The following PCNX3 variants were observed in gnomAD, a reference collection of about 807,000 sequenced individuals.
PCNX3 encodes pecanex-like protein 3.
Under a neutral mutation model 207.2 loss-of-function variants are expected in PCNX3, and 58 were observed. The observed-to-expected ratio is 0.28, with a 90% CI of 0.23 to 0.35. The LOEUF (loss-of-function observed/expected upper bound fraction) is 0.35, where lower values mean the gene tolerates loss of function less well. Among genes scored for constraint, PCNX3 ranks in the 10% least tolerant of loss-of-function variants. PCNX3 has a pLI of 1.00. For synonymous variants in PCNX3, 1,337 were observed against 1,183.5 expected (o/e 1.13, Z -2.66); for missense variants, 2,410 against 2,774.4 (o/e 0.87, Z 2.95).
At chr11:65,617,568 G>A (rs1158725172) in intron 4 of PCNX3, 43 bp from the exon 5 acceptor site, 2 of 1,613,752 alleles carry the variant, frequency 1.2e-6, no homozygotes, top group Non-Finnish European at 8.5e-7. Context: ...CTGGCGTGCT[G>A]TGCCAGGGGG....
chr11:65,630,976 G>A (rs2135469306), intron 27 of PCNX3, among the ~76,000 whole-genome samples: 1 of 152,254 alleles, frequency 6.6e-6, no homozygotes, highest in East Asian at 1.9e-4. Flanking sequence ...AGCTGCTTGA[G>A]CAGTAACATT....
chr11:65,634,321 G>A lies in PCNX3; in HGVS notation c.4666G>A (p.Glu1556Lys), dbSNP rs749282047. Residue 1556 changes from glutamate to lysine, a missense_variant, in exon 28 of 35, where the codon GAG (glutamate) becomes AAG (lysine). Coordinates refer to ENST00000355703, the MANE Select transcript of PCNX3 (RefSeq NM_032223.4). ...GCCCTCCTTTTGTGCTGTGCACCTCGAGTGGATCCAGTACTGCGCCTCCCG... is the reference window on the plus strand; with the variant it reads ...GCCCTCCTTTTGTGCTGTGCACCTCAAGTGGATCCAGTACTGCGCCTCCCG... ...SLPSFCAVHL[E>K]WIQYCASRRS... 9.4e-6 allele frequency: 15 copies of A among 1,603,766 alleles called. No homozygotes were observed. Among genetic ancestry groups the A allele is most frequent in the Admixed American group, 3.4e-5 (2 of 58,698 alleles).
chr11:65,625,091 A>G lies in PCNX3; in HGVS notation c.2919+75A>G. ...TGGGGCGGGGCTGTGAACTGGGCTCAGCAGTGGCTTCTCACACGGGGGCAG... is the reference window on the plus strand; with the variant it reads ...TGGGGCGGGGCTGTGAACTGGGCTCGGCAGTGGCTTCTCACACGGGGGCAG... On this transcript the variant is annotated intron_variant, in intron 16 of 34. Coordinates refer to ENST00000355703, the MANE Select transcript of PCNX3 (RefSeq NM_032223.4). This position sits in a 1 kb window ranked among gnomAD's most constrained non-coding sequence, Gnocchi z 5.6. 2 of 1,557,826 alleles carry G rather than the reference A, an allele frequency of 1.3e-6. No homozygotes were observed. Among genetic ancestry groups the G allele is most frequent in the East Asian group, 2.3e-5 (1 of 43,694 alleles).
intron 8 of PCNX3, 130 bp downstream of exon 8, chr11:65,620,062 C>T (rs970913926): frequency 3.7e-6 from 4 of 1,081,338 alleles, no homozygotes; most frequent in African/African-American, 3.2e-5. Flanking sequence ...ATCATCCTTG[C>T]AGCCTCTTTG....
Position 65,625,861 on chromosome 11 carries a change from G to C in PCNX3, c.3229-43G>C. ...CCAGGTGGCCCTCTGTGGTCCCTTG[G>C]CCTGCTCCCATCAGCTGAGTCTCTG... is the stretch of plus-strand genomic sequence containing the variant. On this transcript the variant is annotated intron_variant, in intron 19 of 34. Transcript: ENST00000355703. This position sits in a 1 kb window ranked among gnomAD's most constrained non-coding sequence, Gnocchi z 5.6. 6.2e-7 allele frequency: 1 copy of C among 1,603,748 alleles called. No homozygotes were observed. Among genetic ancestry groups the C allele is most frequent in the Non-Finnish European group, 8.5e-7 (1 of 1,174,480 alleles).
chr11:65,635,819 G>T lies in PCNX3; in HGVS notation c.5459+16G>T. 1 of 1,596,494 alleles carries T rather than the reference G, an allele frequency of 6.3e-7. No homozygotes were observed. The highest frequency in any genetic ancestry group is 8.5e-7 in the Non-Finnish European group (1 of 1,171,174). On this transcript the variant is annotated intron_variant, in intron 32 of 34. Coordinates refer to ENST00000355703, the MANE Select transcript of PCNX3 (RefSeq NM_032223.4). The surrounding 1 kb of genome is among the most constrained non-coding windows in gnomAD (Gnocchi z 9.9). ...CCTGGGAGAGGTGAGGCCTCGGGAAGGGGTGACGTGTGGCGCGGGAGGAAG... is the reference window on the plus strand; with the variant it reads ...CCTGGGAGAGGTGAGGCCTCGGGAATGGGTGACGTGTGGCGCGGGAGGAAG...
Position 65,635,419 on chromosome 11 carries a change from C to T in PCNX3, c.5155C>T (p.Arg1719Trp). ...SDEYKIIMLN[R>W]RHLSFRVIKV... ...CGAGTACAAGATCATCATGCTCAACCGGCGCCACCTCAGCTTCCGAGTCAT... is the reference window on the plus strand; with the variant it reads ...CGAGTACAAGATCATCATGCTCAACTGGCGCCACCTCAGCTTCCGAGTCAT... Residue 1719 changes from arginine (R) to tryptophan (W), a missense_variant, in exon 31 of 35, where the codon CGG becomes TGG. By Grantham distance (101) the Arg-to-Trp change is moderately radical (BLOSUM62 -3). This residue lies in a region of PCNX3 where 420 missense variants were observed against 705.3 expected (regional missense o/e 0.60). Coordinates refer to ENST00000355703, the MANE Select transcript of PCNX3 (RefSeq NM_032223.4). This position sits in a 1 kb window ranked among gnomAD's most constrained non-coding sequence, Gnocchi z 9.9. 1 of 1,611,688 alleles carries T rather than the reference C, an allele frequency of 6.2e-7. No homozygotes were observed. Among genetic ancestry groups the T allele is most frequent in the Non-Finnish European group, 8.5e-7 (1 of 1,179,648 alleles).
At position 65,635,036 on chromosome 11, in the gene PCNX3, A is replaced by G. The variant is rs564884746; in HGVS notation, c.4869A>G (p.Pro1623=). ...AGGGGGATTTTCGCATCACCTCCCC[A>G]CGTGACGAGTGGGTCTTTGCCGACA... is the stretch of plus-strand genomic sequence containing the variant. ...LFKGDFRITS[P]RDEWVFADMD... Residue 1623 remains proline, a synonymous_variant, in exon 30 of 35, where the codon CCA becomes CCG. Coordinates refer to ENST00000355703, the MANE Select transcript of PCNX3 (RefSeq NM_032223.4). This position sits in a 1 kb window ranked among gnomAD's most constrained non-coding sequence, Gnocchi z 9.9. 420 of 1,613,554 alleles carry G rather than the reference A, an allele frequency of 2.6e-4. 4 individuals carry two copies. The South Asian group carries it at 4.0e-3, about 16-fold the overall frequency.
At position 65,627,059 on chromosome 11, in the gene PCNX3, C is replaced by A. The variant is rs1357445956; in HGVS notation, c.3524+11C>A. ...CAAGTACTGCTTCTAGTGAGGACCA[C>A]CCCACCCTCAACGATCCCATCATCC... is the stretch of plus-strand genomic sequence containing the variant. On this transcript the variant is annotated intron_variant, in intron 21 of 34. Transcript: ENST00000355703. The A allele has an allele frequency of 2.0e-6, 3 of 1,484,444 alleles. No homozygotes were observed. The highest frequency in any genetic ancestry group is 1.3e-5 in the South Asian group (1 of 75,076). The allele number at this position is 1,484,444 out of a possible 1,614,324, so 92.0% of individuals were successfully genotyped here.
rs1429656414 is a variant in PCNX3, at chr11:65,625,612, C to T, written c.3136-40C>T. On this transcript the variant is annotated intron_variant, in intron 18 of 34. Transcript: ENST00000355703. The surrounding 1 kb of genome is among the most constrained non-coding windows in gnomAD (Gnocchi z 5.6). ...TGGGCTGCTGGGCAGCTGAGTGTCTCTCCTGGCCGGGCAGCTGAATGTCTC... is the reference window on the plus strand; with the variant it reads ...TGGGCTGCTGGGCAGCTGAGTGTCTTTCCTGGCCGGGCAGCTGAATGTCTC... 4 of 1,598,204 alleles carry T rather than the reference C, an allele frequency of 2.5e-6. No homozygotes were observed. The highest frequency in any genetic ancestry group is 2.2e-5 in the East Asian group (1 of 44,486).
At chr11:65,629,308 C>A (rs368949725) in intron 24 of PCNX3, 49 bp from the exon 25 acceptor site, 1 of 1,567,918 alleles carries the variant, frequency 6.4e-7, no homozygotes, top group Non-Finnish European at 8.7e-7. Context: ...AGGGTGCACC[C>A]TCTCTTCACC....
rs746057153 is a variant in PCNX3 at position 65,620,444 on chromosome 11, C to T, written c.2099+15C>T. Reference sequence around the variant, plus strand: ...AATGGAGCCTGGTGAGTTCCCAAGCCTGGCCTCCCAAGCCATTGTCTTGGT... The same window carrying T: ...AATGGAGCCTGGTGAGTTCCCAAGCTTGGCCTCCCAAGCCATTGTCTTGGT... On this transcript the variant is annotated intron_variant, in intron 9 of 34. Coordinates refer to ENST00000355703, the MANE Select transcript of PCNX3 (RefSeq NM_032223.4). 1.2e-6 allele frequency: 2 copies of T among 1,610,436 alleles called. No individual in the cohort carries two copies. The highest frequency in any genetic ancestry group is 1.1e-5 in the South Asian group (1 of 90,782).
chr11:65,634,713 C>T, intron 29 of PCNX3, 72 bp downstream of exon 29: 1 of 1,413,332 alleles, frequency 7.1e-7, no homozygotes, highest in Middle Eastern at 2.4e-4. Flanking sequence ...GCACTGTGGT[C>T]TCTGGCCACA....
rs1565152835 is a variant in PCNX3, at chr11:65,618,183, G to C, written c.821G>C (p.Arg274Thr). 1 of 1,603,364 alleles carries C rather than the reference G, an allele frequency of 6.2e-7. No individual in the cohort carries two copies. Among genetic ancestry groups the C allele is most frequent in the Non-Finnish European group, 8.5e-7 (1 of 1,173,716 alleles). ...VRTSSRREQR[R>T]GAGGYQPLDR... ...ACCAGCAGTCGACGGGAACAACGCAGGGGGGCAGGTGGCTATCAGCCCCTT... is the reference window on the plus strand; with the variant it reads ...ACCAGCAGTCGACGGGAACAACGCACGGGGGCAGGTGGCTATCAGCCCCTT... The change falls in exon 6 of 35, where the codon AGG becomes ACG. Residue 274 changes from arginine to threonine, a missense_variant. By Grantham distance (71) the Arg-to-Thr change is moderately conservative. Around this residue, in one of 8 missense-constraint regions of PCNX3, gnomAD observed 1,104 missense variants for 970.3 expected, o/e 1.14. Transcript: ENST00000355703.
chr11:65,631,017 C>T (rs1855597146), intron 27 of PCNX3, among the ~76,000 whole-genome samples: 1 of 152,238 alleles, frequency 6.6e-6, no homozygotes, highest in South Asian at 2.1e-4. Flanking sequence ...CTGGGCATCT[C>T]TCCTGAGCTG....
rs991373365 is a variant in PCNX3 at position 65,617,103 on chromosome 11, G to A, written c.341+92G>A. On this transcript the variant is annotated intron_variant, in intron 2 of 34. Transcript: ENST00000355703. ...TGGAGTAGGGGCTTAGGGAACATTG[G>A]CTCTCTGAGTGATTGTGAACACTTG... 3.2e-5 allele frequency: 45 copies of A among 1,420,438 alleles called. No homozygotes were observed. The African/African-American group carries it at 6.1e-4, about 19-fold the overall frequency. The allele number at this position is 1,420,438 out of a possible 1,614,324, so 88.0% of individuals were successfully genotyped here. A position where few individuals can be genotyped will look rare whatever the true frequency, so the allele number is the denominator to read the frequency against.
chr11:65,622,797 T>TTG (rs1855178410), intron 11 of PCNX3, among the ~76,000 whole-genome samples: 1 of 151,844 alleles, frequency 6.6e-6, no homozygotes, highest in African/African-American at 2.4e-5. Flanking sequence ...AGAGATGGGG[T>TTG]TTCACAGTGT....
chr11:65,636,607 G>A lies in PCNX3; in HGVS notation c.5810G>A (p.Ser1937Asn). ...LSSEGPSGKW[S>N]LGGRKGLGGS... ...TCTGAGGGCCCCAGTGGAAAGTGGA[G>A]CCTGGGGGGCCGGAAGGGGCTGGGA... Residue 1937 changes from serine (S) to asparagine (N), a missense_variant, in exon 34 of 35, where the codon AGC (serine) becomes AAC (asparagine). Physicochemically the swap from Ser to Asn is conservative, Grantham distance 46 (BLOSUM62 1). Around this residue, in one of 8 missense-constraint regions of PCNX3, gnomAD observed 278 missense variants for 245.1 expected, o/e 1.13. Transcript: ENST00000355703. 1 of 1,586,022 alleles carries A rather than the reference G, an allele frequency of 6.3e-7. No homozygotes were observed. The highest frequency in any genetic ancestry group is 8.6e-7 in the Non-Finnish European group (1 of 1,168,496).
At chr11:65,627,102 G>C (rs920888934) in intron 21 of PCNX3, 54 bp downstream of exon 21, 1 of 1,453,986 alleles carries the variant, frequency 6.9e-7, no homozygotes, top group African/African-American at 1.4e-5. Context: ...CTTTTGATCC[G>C]TGGGGAAACT....
Sources: gnomAD v4.1 joint callset for allele counts (sites outside exome capture counted in the v4.1 genomes callset) on GRCh38, gnomAD v4.1.1 for gene constraint, gnomAD v4.1.1 regional missense constraint, Gnocchi (gnomAD v3.1) non-coding constraint, MANE v1.5 for transcripts, NCBI Gene and HGNC (gene_info 2026-07-23, HGNC 2026-07-21) for gene names.